The following STX8 variants were observed in gnomAD, a reference collection of about 807,000 sequenced individuals.
STX8 encodes the protein syntaxin-8.
In STX8, 23 loss-of-function variants were observed where a neutral mutation model predicts 37.5. That is an observed-to-expected ratio of 0.61 (90% CI 0.44 to 0.87). The LOEUF is 0.87. STX8 is among the 40% of genes least tolerant of loss of function. The probability of loss-of-function intolerance (pLI) is 0.00; values close to 1 mark genes in which losing one functional copy is unlikely to be tolerated. For missense variants in STX8, 313 were observed against 284.7 expected, an observed-to-expected ratio of 1.10 and a Z score of -0.71; for synonymous variants, 115 against 99.1, an observed-to-expected ratio of 1.16 and a Z score of -0.95.
intron 4 of STX8, among the ~76,000 whole-genome samples, chr17:9,530,214 G>A (rs1735448977): frequency 6.6e-6 from 1 of 151,756 alleles, no homozygotes; most frequent in African/African-American, 2.4e-5. Context: ...GGGAGGCTGA[G>A]GCAGGAGAAT....
intron 4 of STX8, among the ~76,000 whole-genome samples, chr17:9,509,999 A>T (rs1289339810): frequency 2.0e-5 from 3 of 152,240 alleles, no homozygotes; most frequent in Non-Finnish European, 4.4e-5. Context: ...ATCAGACAAA[A>T]CAGACTTCAA....
At chr17:9,294,329 C>G (rs1158707997) in intron 7 of STX8, among the ~76,000 whole-genome samples, 1 of 152,202 alleles carries the variant, frequency 6.6e-6, no homozygotes, top group East Asian at 1.9e-4. Flanking sequence ...ATTTTCTGAG[C>G]CCTTACTATG....
intron 7 of STX8, among the ~76,000 whole-genome samples, chr17:9,335,169 C>T (rs139826236): frequency 6.6e-6 from 1 of 152,262 alleles, no homozygotes; most frequent in Admixed American, 6.5e-5. Context: ...CTGTGTGATC[C>T]AACCCTAGCC....
intron 1 of STX8, among the ~76,000 whole-genome samples, chr17:9,570,302 C>A (rs35301961): frequency 6.6e-6 from 1 of 151,654 alleles, no homozygotes; most frequent in Non-Finnish European, 1.5e-5. Context: ...CTGACCTGAG[C>A]CAGGTCCTAT....
At chr17:9,480,821 ATG>A (rs1906301435) in intron 6 of STX8, among the ~76,000 whole-genome samples, 1 of 152,158 alleles carries the variant, frequency 6.6e-6, no homozygotes, top group African/African-American at 2.4e-5. Flanking sequence ...TCTGACATCA[ATG>A]TGTGTCTATA....
chr17:9,438,502 G>A lies in STX8; in HGVS notation c.541+53327C>T, dbSNP rs544217691. Among the ~76,000 whole-genome samples, 58 of 152,034 alleles carry A rather than the reference G, an allele frequency of 3.8e-4. 1 individual carries two copies. Among genetic ancestry groups the A allele is most frequent in the African/African-American group, 1.4e-3 (57 of 41,500 alleles). ...TGGCACACTAAGGTTTGGGAAACAC[G>A]GCTTTAGACCAGTGGTTGGTAAACA... On this transcript the variant is annotated intron_variant, in intron 6 of 7. Coordinates refer to ENST00000306357, the MANE Select transcript of STX8 (RefSeq NM_004853.3).
At chr17:9,546,744 C>T (rs1479276776) in intron 3 of STX8, among the ~76,000 whole-genome samples, 14 of 151,174 alleles carry the variant, frequency 9.3e-5, no homozygotes, top group African/African-American at 3.4e-4. Flanking sequence ...ACTACAGGCA[C>T]GTGCCACCAC....
At chr17:9,286,343 C>A (rs902639621) in intron 7 of STX8, among the ~76,000 whole-genome samples, 14 of 152,192 alleles carry the variant, frequency 9.2e-5, no homozygotes, top group African/African-American at 3.1e-4. Context: ...GCACAACACA[C>A]ACAATTATTT....
At chr17:9,284,309 T>A (rs1907997776) in intron 7 of STX8, among the ~76,000 whole-genome samples, 1 of 152,222 alleles carries the variant, frequency 6.6e-6, no homozygotes, top group South Asian at 2.1e-4. Context: ...CTTGTGTAAA[T>A]CTTCAAATTA....
At chr17:9,279,512 A>C (rs1907803666) in intron 7 of STX8, among the ~76,000 whole-genome samples, 1 of 152,224 alleles carries the variant, frequency 6.6e-6, no homozygotes. Context: ...ATCAGAGTTG[A>C]CTAACTCGAA....
chr17:9,443,666 G>C (rs534357598), intron 6 of STX8, among the ~76,000 whole-genome samples: 1 of 152,210 alleles, frequency 6.6e-6, no homozygotes, highest in East Asian at 1.9e-4. Flanking sequence ...CTTTTCCAGA[G>C]TTCTCTTCTT....
At position 9,406,345 on chromosome 17, in the gene STX8, T is replaced by C. The variant is rs141058598; in HGVS notation, c.542-27692A>G. 1.0e-3 allele frequency among the ~76,000 whole-genome samples: 152 copies of C among 152,308 alleles called. No homozygotes were observed. In the South Asian group the frequency reaches 0.016, roughly 16 times the overall value. ...GAGAAGTTCAAGGGGCCACTTTTTT[T>C]GTACTGTGGTATACAATTTACTGGA... On this transcript the variant is annotated intron_variant, in intron 6 of 7. Coordinates refer to ENST00000306357, the MANE Select transcript of STX8 (RefSeq NM_004853.3).
At chr17:9,333,168 T>G (rs922477417) in intron 7 of STX8, among the ~76,000 whole-genome samples, 109 of 152,196 alleles carry the variant, frequency 7.2e-4, no homozygotes, top group African/African-American at 2.6e-3. Flanking sequence ...TGTGTGACAC[T>G]GAGGTTTAAG....
intron 7 of STX8, among the ~76,000 whole-genome samples, chr17:9,272,095 T>C (rs1907486799): frequency 6.6e-6 from 1 of 152,148 alleles, no homozygotes; most frequent in Admixed American, 6.5e-5. Context: ...CCCACGCCAA[T>C]ATCCCTCAGC....
At chr17:9,496,244 T>C (rs192484605) in intron 5 of STX8, among the ~76,000 whole-genome samples, 59 of 152,046 alleles carry the variant, frequency 3.9e-4, no homozygotes, top group Non-Finnish European at 7.2e-4. Flanking sequence ...TCCAGCTAAT[T>C]TTTGTATTTT....
chr17:9,266,462 T>A (rs1304287437), intron 7 of STX8, among the ~76,000 whole-genome samples: 12 of 152,142 alleles, frequency 7.9e-5, no homozygotes, highest in Admixed American at 7.9e-4. Context: ...GCCGTTTTAC[T>A]TCAGCGCCGT....
At position 9,441,746 on chromosome 17, in the gene STX8, G is replaced by C. The variant is rs1480264121; in HGVS notation, c.541+50083C>G. Among the ~76,000 whole-genome samples the C allele has an allele frequency of 2.2e-5, 3 of 138,162 alleles. No individual in the cohort carries two copies. In the Admixed American group the frequency reaches 2.4e-4, roughly 11 times the overall value. The allele number at this position is 138,162 out of a possible 152,430, so 90.6% of individuals were successfully genotyped here. Reference sequence around the variant, plus strand: ...GCTGGAGTGCAGTGGCGCGATCTCAGCTCACGGCAAGCTCCGCCTCCCGGG... The same window carrying C: ...GCTGGAGTGCAGTGGCGCGATCTCACCTCACGGCAAGCTCCGCCTCCCGGG... On this transcript the variant is annotated intron_variant, in intron 6 of 7. Transcript: ENST00000306357.
At chr17:9,271,918 C>T (rs1407268519) in intron 7 of STX8, among the ~76,000 whole-genome samples, 6 of 152,078 alleles carry the variant, frequency 3.9e-5, no homozygotes, top group South Asian at 2.1e-4. Flanking sequence ...CTTTCTCTGG[C>T]GACTATAAGT....
intron 1 of STX8, among the ~76,000 whole-genome samples, chr17:9,574,321 C>T (rs1907806361): frequency 2.2e-5 from 3 of 137,510 alleles, no homozygotes; most frequent in Admixed American, 1.6e-4. Context: ...CAAAGAATGT[C>T]CAATGACATA....
Sources: allele counts gnomAD v4.1 joint callset (sites outside exome capture counted in the v4.1 genomes callset), GRCh38; gene constraint gnomAD v4.1.1; transcripts MANE v1.5; gene names NCBI Gene and HGNC (gene_info 2026-07-23, HGNC 2026-07-21).